PACS2: variants seen among roughly 807,000 people sequenced by gnomAD.
PACS2 encodes phosphofurin acidic cluster sorting protein 2, also known as PACS1-like protein.
In PACS2, 36 loss-of-function variants were observed where a neutral mutation model predicts 113.0. That is an observed-to-expected ratio of 0.32 (90% confidence interval 0.24 to 0.42). PACS2 has a LOEUF of 0.42. Among genes scored for constraint, PACS2 ranks in the 10% least tolerant of loss-of-function variants. The pLI is 1.00. For missense variants in PACS2, 1,015 were observed against 1,239.5 expected (o/e 0.82, Z 2.72); for synonymous variants, 589 against 536.1 (o/e 1.10, Z -1.36).
At chr14:105,377,771 G>A (rs782798958) in intron 9 of PACS2, among the ~76,000 whole-genome samples, 4 of 152,246 alleles carry the variant, frequency 2.6e-5, no homozygotes, top group Non-Finnish European at 2.9e-5. Flanking sequence ...AGGTGACCGC[G>A]GATGTGGCCA....
rs973187347 is a variant in PACS2 at position 105,323,423 on chromosome 14, C to T, written c.119+8386C>T. On this transcript the variant is annotated intron_variant, in intron 1 of 24. Transcript: ENST00000447393. This position sits in a 1 kb window ranked among gnomAD's most constrained non-coding sequence, Gnocchi z 4.1. Reference sequence around the variant, plus strand: ...GGGCGTCTCCTCAGGACGCATGTTGCCTACTGACCGCTGCCAGCCTGCACG... The same window carrying T: ...GGGCGTCTCCTCAGGACGCATGTTGTCTACTGACCGCTGCCAGCCTGCACG... 6.6e-6 allele frequency among the ~76,000 whole-genome samples: 1 copy of T among 152,196 alleles called. No homozygotes were observed. Among genetic ancestry groups the T allele is most frequent in the Admixed American group, 6.5e-5 (1 of 15,278 alleles).
At chr14:105,382,356 TC>T in intron 13 of PACS2, 120 bp from the exon 14 acceptor site, 1 of 736,994 alleles carries the variant, frequency 1.4e-6, no homozygotes, top group Non-Finnish European at 2.4e-6. Flanking sequence ...CCAGCTCTCT[TC>T]CTGCCACCGA....
At chr14:105,391,543 G>A (rs1355687844) in intron 21 of PACS2, 88 bp from the exon 22 acceptor site, 3 of 1,133,772 alleles carry the variant, frequency 2.6e-6, no homozygotes, top group Admixed American at 2.2e-5. Context: ...GAGCTGCCTG[G>A]CCTGGCCACA....
At chr14:105,390,479 TG>T (rs1211194859) in intron 20 of PACS2, 4 of 185,094 alleles carry the variant, frequency 2.2e-5, no homozygotes, top group Non-Finnish European at 3.4e-5. Context: ...CTGCCAGCCC[TG>T]GGTCTCCACA....
intron 12 of PACS2, 61 bp from the exon 13 acceptor site, chr14:105,381,853 C>T (rs1282137358): frequency 6.8e-7 from 1 of 1,470,378 alleles, no homozygotes; most frequent in East Asian, 2.5e-5. Flanking sequence ...CCTGCCCCTG[C>T]CTCTGCCCCT....
At chr14:105,314,235 C>G (rs2058445410), upstream of PACS2, among the ~76,000 whole-genome samples, 1 of 151,872 alleles carries the variant, frequency 6.6e-6, no homozygotes. Context: ...CCGGGCCAAC[C>G]CAGCGGGGGT....
chr14:105,308,842 T>G (rs990606415), intron 1 of PACS2, among the ~76,000 whole-genome samples: 2 of 151,776 alleles, frequency 1.3e-5, no homozygotes, highest in Non-Finnish European at 2.9e-5. Flanking sequence ...AGCACAGTGG[T>G]TCACACTTGT....
rs782114007 is a variant in PACS2, at chr14:105,394,618, G to C, written c.2661G>C (p.Ser887=). ...TCCAGCTGGCCGCGCAGTGGTCCTC[G>C]CACGTGAAGCACTTCCCCATCTGCA... ...KFFQLAAQWS[S]HVKHFPICIF... is the part of the protein sequence containing the mutation. The change falls in exon 25 of 25, where the codon TCG becomes TCC. Residue 887 remains serine (S), a synonymous_variant. Transcript: ENST00000447393. The C allele has an allele frequency of 6.2e-7, 1 of 1,613,328 alleles. No individual in the cohort carries two copies. The highest frequency in any genetic ancestry group is 1.3e-5 in the African/African-American group (1 of 74,934).
chr14:105,376,990 A>G lies in PACS2; in HGVS notation c.959+65A>G. 1 of 1,468,556 alleles carries G rather than the reference A, an allele frequency of 6.8e-7. No homozygotes were observed. The highest frequency in any genetic ancestry group is 9.2e-7 in the Non-Finnish European group (1 of 1,089,380). The allele number at this position is 1,468,556 out of a possible 1,614,324, so 91.0% of individuals were successfully genotyped here. On this transcript the variant is annotated intron_variant, in intron 9 of 24. Transcript: ENST00000447393. This position sits in a 1 kb window ranked among gnomAD's most constrained non-coding sequence, Gnocchi z 4.7. ...CAGATGCCCCGGCCACTCTGCGACCACTCTGGCAGACCCATGTCCAGCCCT... is the reference window on the plus strand; with the variant it reads ...CAGATGCCCCGGCCACTCTGCGACCGCTCTGGCAGACCCATGTCCAGCCCT...
In PACS2 at chr14:105,324,968, C is replaced by T. The variant is rs183061430; in HGVS notation, c.119+9931C>T. ...CTGCCCTTCCTGCTGGGGGTGCACA[C>T]GGGCCTGGGGCTGAGCAACCCGCTC... On this transcript the variant is annotated intron_variant, in intron 1 of 24. Coordinates refer to ENST00000447393, the MANE Select transcript of PACS2 (RefSeq NM_001100913.3). The surrounding 1 kb of genome is among the most constrained non-coding windows in gnomAD (Gnocchi z 4.7). Among the ~76,000 whole-genome samples the T allele has an allele frequency of 4.6e-5, 7 of 152,034 alleles. No homozygotes were observed. The highest frequency in any genetic ancestry group is 1.2e-4 in the African/African-American group (5 of 41,458).
chr14:105,347,377 AC>A (rs1225065539), intron 1 of PACS2, among the ~76,000 whole-genome samples: 1 of 152,002 alleles, frequency 6.6e-6, no homozygotes, highest in Non-Finnish European at 1.5e-5. Context: ...CCATGTCCAC[AC>A]CCAATGCCCA....
rs1382338683 is a variant in PACS2 at position 105,382,723 on chromosome 14, C to T, written c.1519-84C>T. On this transcript the variant is annotated intron_variant, in intron 14 of 24. Coordinates refer to ENST00000447393, the MANE Select transcript of PACS2 (RefSeq NM_001100913.3). ...CTGGACGTGCCTGGGGTCTCTGGAG[C>T]CCCTGAGAGCTTTGGTGAGGGTCAG... 3.1e-6 allele frequency: 3 copies of T among 966,618 alleles called. No homozygotes were observed. In the African/African-American group the frequency reaches 4.9e-5, roughly 16 times the overall value. 59.9% of individuals were successfully genotyped at this position (966,618 alleles called of 1,614,324 possible).
At chr14:105,320,153 T>G (rs1447792959) in intron 1 of PACS2, among the ~76,000 whole-genome samples, 1 of 151,966 alleles carries the variant, frequency 6.6e-6, no homozygotes, top group Non-Finnish European at 1.5e-5. Flanking sequence ...AATTTTTGTA[T>G]TTTTAGTAGA....
intron 1 of PACS2, among the ~76,000 whole-genome samples, chr14:105,306,951 G>A (rs1042935116): frequency 6.6e-6 from 1 of 151,954 alleles, no homozygotes; most frequent in African/African-American, 2.4e-5. Flanking sequence ...GGGGTCTCGT[G>A]GACCTAGAGA....
chr14:105,372,333 G>A (rs185034190), intron 8 of PACS2: 28 of 152,364 alleles, frequency 1.8e-4, no homozygotes, highest in African/African-American at 6.0e-4. Context: ...TTCAACAAGG[G>A]TGCCAAGTTC....
intron 1 of PACS2, among the ~76,000 whole-genome samples, chr14:105,342,996 G>A (rs989351341): frequency 2.0e-5 from 3 of 148,208 alleles, no homozygotes; most frequent in Non-Finnish European, 4.5e-5. Context: ...ACCTTTTTTC[G>A]TATGCAGCTC....
intron 4 of PACS2, among the ~76,000 whole-genome samples, chr14:105,362,790 G>A (rs1555406955): frequency 6.6e-6 from 1 of 152,116 alleles, no homozygotes; most frequent in Non-Finnish European, 1.5e-5. Flanking sequence ...GGCAGAGGTT[G>A]TAGTGAGCCA....
intron 9 of PACS2, among the ~76,000 whole-genome samples, chr14:105,377,569 A>T (rs2141213773): frequency 6.6e-6 from 1 of 152,324 alleles, no homozygotes; most frequent in South Asian, 2.1e-4. Flanking sequence ...AGTCAGAGTC[A>T]GGAAGCTTGG....
rs2060551301 is a variant in PACS2 at position 105,358,703 on chromosome 14, T to C, written c.423+3526T>C. ...GCCATGCTTCTTTGCACAGCCGGAC[T>C]CCTCTTGTGGCCTCGCCACAAGCTG... On this transcript the variant is annotated intron_variant, in intron 4 of 24. Coordinates refer to ENST00000447393, the MANE Select transcript of PACS2 (RefSeq NM_001100913.3). This position sits in a 1 kb window ranked among gnomAD's most constrained non-coding sequence, Gnocchi z 4.9. 3.3e-5 allele frequency among the ~76,000 whole-genome samples: 5 copies of C among 152,122 alleles called. No individual in the cohort carries two copies. The highest frequency in any genetic ancestry group is 3.3e-4 in the Admixed American group (5 of 15,282).
Sources: allele counts gnomAD v4.1 joint callset (sites outside exome capture counted in the v4.1 genomes callset), GRCh38; gene constraint gnomAD v4.1.1; non-coding constraint Gnocchi (gnomAD v3.1); transcripts MANE v1.5; gene names NCBI Gene and HGNC (gene_info 2026-07-23, HGNC 2026-07-21).